Variants in MMP26 observed in about 807,000 individuals in gnomAD.
MMP26 encodes the protein matrix metallopeptidase 26.
Under a neutral mutation model 31.0 loss-of-function variants are expected in MMP26, and 33 were observed. The ratio of observed to expected loss-of-function variants is 1.06; its 90% CI spans 0.81 to 1.42. The LOEUF (loss-of-function observed/expected upper bound fraction) is 1.42, where lower values mean the gene tolerates loss of function less well. Ranked by LOEUF, MMP26 falls within the 40% of genes most tolerant of loss-of-function variation. The pLI is 0.00. For synonymous variants in MMP26, 122 were observed against 114.9 expected, an observed-to-expected ratio of 1.06 and a Z score of -0.40; for missense variants, 347 against 316.1, an observed-to-expected ratio of 1.10 and a Z score of -0.74.
chr11:4,709,497 G>C (rs4430501), intron 1 of MMP26: 109,023 of 365,386 alleles, frequency 0.3, 17,165 homozygotes, highest in South Asian at 0.36. Context: ...AGAAGAAAGT[G>C]AAAATGCTTT....
At chr11:4,720,418 C>T (rs912590530) in intron 1 of MMP26, among the ~76,000 whole-genome samples, 1 of 152,136 alleles carries the variant, frequency 6.6e-6, no homozygotes, top group African/African-American at 2.4e-5. Context: ...ATGCTTGGAC[C>T]TTATCCTCAA....
rs965741061 is a variant in MMP26, at chr11:4,988,127, T to C, written c.-85T>C. 1.3e-5 allele frequency: 16 copies of C among 1,198,720 alleles called. No individual in the cohort carries two copies. The highest frequency in any genetic ancestry group is 2.3e-5 in the East Asian group (1 of 42,890). 74.3% of individuals were successfully genotyped at this position (1,198,720 alleles called of 1,614,324 possible). On this transcript the variant is annotated 5_prime_UTR_variant, in exon 3 of 8. Transcript: ENST00000380390. ...AAGGGCAAACTGGCAGAGTGAGTCATTGGATGTTGCTGGCACAGCTATAAA... is the reference window on the plus strand; with the variant it reads ...AAGGGCAAACTGGCAGAGTGAGTCACTGGATGTTGCTGGCACAGCTATAAA...
chr11:4,948,677 A>G (rs1187505780), intron 2 of MMP26, among the ~76,000 whole-genome samples: 2 of 124,214 alleles, frequency 1.6e-5, no homozygotes, highest in African/African-American at 5.5e-5. Context: ...GCTCTTGAGG[A>G]GAAAAAAACT....
chr11:4,892,425 T>C (rs1408311886), intron 2 of MMP26, among the ~76,000 whole-genome samples: 1 of 152,182 alleles, frequency 6.6e-6, no homozygotes, highest in East Asian at 1.9e-4. Flanking sequence ...ATAATTTGCA[T>C]TGCAACTCTG....
chr11:4,866,312 A>G (rs1468583273), intron 2 of MMP26, among the ~76,000 whole-genome samples: 1 of 152,170 alleles, frequency 6.6e-6, no homozygotes, highest in Non-Finnish European at 1.5e-5. Flanking sequence ...TACTAAAAAT[A>G]AACAAAAGAA....
intron 2 of MMP26, among the ~76,000 whole-genome samples, chr11:4,970,754 T>C (rs11034955): frequency 0.52 from 78,786 of 152,024 alleles, 20,960 homozygotes; most frequent in South Asian, 0.64. Flanking sequence ...GTGGTGGCTA[T>C]GGCAGTGGCA....
chr11:4,722,335 C>G (rs1046636600), intron 1 of MMP26, among the ~76,000 whole-genome samples: 4 of 152,094 alleles, frequency 2.6e-5, no homozygotes, highest in African/African-American at 9.7e-5. Flanking sequence ...TGATACATAT[C>G]TCTTTAATGA....
chr11:4,875,894 GC>G (rs1158265352), intron 2 of MMP26: 1 of 152,094 alleles, frequency 6.6e-6, no homozygotes, highest in African/African-American at 2.4e-5. Flanking sequence ...CTCACTTGCT[GC>G]AAGCTCAGAT....
At chr11:4,881,919 C>A in intron 2 of MMP26, 1 of 1,612,790 alleles carries the variant, frequency 6.2e-7, no homozygotes. Flanking sequence ...TTCAATAACA[C>A]CACTTCGTCT....
intron 2 of MMP26, among the ~76,000 whole-genome samples, chr11:4,773,438 C>A (rs970241752): frequency 2.0e-5 from 3 of 152,092 alleles, no homozygotes; most frequent in African/African-American, 7.2e-5. Context: ...ACTCAACAGG[C>A]CACAAGGAAC....
chr11:4,809,344 T>C (rs146890359), intron 2 of MMP26, among the ~76,000 whole-genome samples: 15 of 152,240 alleles, frequency 9.9e-5, no homozygotes, highest in East Asian at 9.7e-4. Flanking sequence ...CCATGTAGGG[T>C]TTTGTTATAT....
At chr11:4,991,875 T>G in intron 6 of MMP26, 89 bp from the exon 7 acceptor site, 1 of 1,229,482 alleles carries the variant, frequency 8.1e-7, no homozygotes, top group Admixed American at 3.0e-5. Context: ...CGTTTTCTGT[T>G]CTCTCCTTTT....
intron 2 of MMP26, among the ~76,000 whole-genome samples, chr11:4,795,859 AGAG>A (rs1849101237): frequency 6.6e-6 from 1 of 151,918 alleles, no homozygotes; most frequent in Non-Finnish European, 1.5e-5. Context: ...AGAGAGAGAG[AGAG>A]AGAGAGAGAC....
chr11:4,806,396 C>A (rs1849270433), intron 2 of MMP26, among the ~76,000 whole-genome samples: 1 of 152,068 alleles, frequency 6.6e-6, no homozygotes. Context: ...CTTTATGAAT[C>A]TGGGTGCTCC....
chr11:4,991,249 C>G, intron 5 of MMP26, 122 bp from the exon 6 acceptor site: 4 of 1,251,752 alleles, frequency 3.2e-6, no homozygotes, highest in Non-Finnish European at 4.4e-6. Context: ...CCTTAGCTCT[C>G]TCACATCCCC....
At chr11:4,791,559 G>A (rs1849027508) in intron 2 of MMP26, among the ~76,000 whole-genome samples, 1 of 152,084 alleles carries the variant, frequency 6.6e-6, no homozygotes, top group Non-Finnish European at 1.5e-5. Context: ...TCATTATATT[G>A]TTAATACTAT....
chr11:4,974,189 C>A (rs774869879), intron 2 of MMP26, among the ~76,000 whole-genome samples: 1 of 151,782 alleles, frequency 6.6e-6, no homozygotes, highest in South Asian at 2.1e-4. Flanking sequence ...ATTATACAGG[C>A]GAACATTATC....
At chr11:4,729,841 A>C in intron 1 of MMP26, among the ~76,000 whole-genome samples, 1 of 151,940 alleles carries the variant, frequency 6.6e-6, no homozygotes, top group Non-Finnish European at 1.5e-5. Context: ...CAATTCTCCC[A>C]ATCTGATCAG....
chr11:4,980,236 G>T (rs370381367), intron 2 of MMP26, among the ~76,000 whole-genome samples: 2 of 151,804 alleles, frequency 1.3e-5, no homozygotes, highest in Non-Finnish European at 2.9e-5. Flanking sequence ...GTCCTCTTCC[G>T]GCCATTTGGT....
Sources: allele counts gnomAD v4.1 joint callset (sites outside exome capture counted in the v4.1 genomes callset), GRCh38; gene constraint gnomAD v4.1.1; transcripts MANE v1.5; gene names NCBI Gene and HGNC (gene_info 2026-07-23, HGNC 2026-07-21).